Variants in CTNNA3 observed in about 807,000 individuals in gnomAD.
CTNNA3 encodes the protein catenin alpha 3.
A neutral mutation model predicts 95.7 loss-of-function variants in CTNNA3; 76 were observed. The observed-to-expected ratio is 0.79, with a 90% confidence interval of 0.66 to 0.96. The LOEUF (loss-of-function observed/expected upper bound fraction) is 0.96. Among genes scored for constraint, CTNNA3 ranks in the 40% least tolerant of loss-of-function variants. CTNNA3 has a pLI of 0.00. For missense variants in CTNNA3, 1,191 were observed against 1,089.8 expected, an observed-to-expected ratio of 1.09 and a Z score of -1.31; for synonymous variants, 431 against 374.4, an observed-to-expected ratio of 1.15 and a Z score of -1.74.
rs185869952 is a variant in CTNNA3, at chr10:67,144,007, A to C, written c.1047+36310T>G. Among the ~76,000 whole-genome samples the C allele has an allele frequency of 2.0e-5, 3 of 152,374 alleles. No individual in the cohort carries two copies. The East Asian group carries it at 5.8e-4, about 29-fold the overall frequency. ...CCTTACAAAATGTATTTCTTAAAAA[A>C]TAAGACTTGAAACTTGGAATTATTC... On this transcript the variant is annotated intron_variant, in intron 7 of 17. Coordinates refer to ENST00000433211, the MANE Select transcript of CTNNA3 (RefSeq NM_013266.4).
intron 9 of CTNNA3, among the ~76,000 whole-genome samples, chr10:66,722,356 C>T (rs937213985): frequency 6.2e-5 from 9 of 145,390 alleles, no homozygotes; most frequent in South Asian, 2.2e-4. Flanking sequence ...CCAGACTGGA[C>T]GACAGAGCGA....
At chr10:66,762,150 A>G (rs550839010) in intron 9 of CTNNA3, among the ~76,000 whole-genome samples, 9 of 152,236 alleles carry the variant, frequency 5.9e-5, no homozygotes, top group African/African-American at 2.2e-4. Flanking sequence ...TCATATTTTT[A>G]TCTTCCTGTT....
At chr10:67,563,573 T>G (rs1003986971) in intron 3 of CTNNA3, among the ~76,000 whole-genome samples, 3 of 152,148 alleles carry the variant, frequency 2.0e-5, no homozygotes, top group Non-Finnish European at 4.4e-5. Flanking sequence ...ATTCAGGACA[T>G]AGGCACAGGC....
intron 7 of CTNNA3, among the ~76,000 whole-genome samples, chr10:66,796,553 G>T (rs1841199083): frequency 6.6e-6 from 1 of 151,950 alleles, no homozygotes; most frequent in Non-Finnish European, 1.5e-5. Flanking sequence ...ATATGAAACA[G>T]AGGCATGAAA....
chr10:65,985,958 C>T (rs1333314984), intron 16 of CTNNA3, among the ~76,000 whole-genome samples: 3 of 150,922 alleles, frequency 2.0e-5, no homozygotes, highest in African/African-American at 7.3e-5. Context: ...CTATAGTTGC[C>T]CTGTTTTGCT....
chr10:67,074,392 C>T (rs1856635788), intron 7 of CTNNA3, among the ~76,000 whole-genome samples: 1 of 130,944 alleles, frequency 7.6e-6, no homozygotes, highest in Non-Finnish European at 1.6e-5. Flanking sequence ...GCTCTGTCGC[C>T]CAGGCTGAAG....
At chr10:66,463,612 G>A (rs556356012) in intron 11 of CTNNA3, among the ~76,000 whole-genome samples, 18 of 152,144 alleles carry the variant, frequency 1.2e-4, no homozygotes, top group African/African-American at 4.1e-4. Flanking sequence ...GAAATTACCA[G>A]AAAAACAATA....
At chr10:67,624,904 C>T (rs1180715714) in intron 2 of CTNNA3, among the ~76,000 whole-genome samples, 4 of 152,180 alleles carry the variant, frequency 2.6e-5, no homozygotes, top group Non-Finnish European at 5.9e-5. Flanking sequence ...TATATTTTTG[C>T]TATGAATATT....
intron 17 of CTNNA3, among the ~76,000 whole-genome samples, chr10:65,925,875 CTT>C (rs1217738988): frequency 6.6e-6 from 1 of 151,960 alleles, no homozygotes; most frequent in Non-Finnish European, 1.5e-5. Context: ...ATTTTCCTCA[CTT>C]ATCACTTCTT....
intron 9 of CTNNA3, among the ~76,000 whole-genome samples, chr10:66,744,749 T>C (rs890707777): frequency 2.0e-5 from 3 of 152,188 alleles, no homozygotes; most frequent in African/African-American, 7.2e-5. Context: ...ATAAAATGCT[T>C]ACCAAATGGC....
chr10:66,109,903 T>A (rs2082054566), intron 13 of CTNNA3, among the ~76,000 whole-genome samples: 1 of 152,046 alleles, frequency 6.6e-6, no homozygotes, highest in Non-Finnish European at 1.5e-5. Context: ...GCAGCCTTTT[T>A]TAAAATTTGT....
chr10:67,595,019 A>G (rs1842896817), intron 3 of CTNNA3, among the ~76,000 whole-genome samples: 1 of 152,178 alleles, frequency 6.6e-6, no homozygotes, highest in Admixed American at 6.6e-5. Context: ...CCTTAGAATA[A>G]TAGTCTCCAG....
intron 7 of CTNNA3, chr10:66,928,477 G>T (rs780767820): frequency 6.5e-7 from 1 of 1,549,618 alleles, no homozygotes; most frequent in Non-Finnish European, 8.7e-7. Flanking sequence ...GATAAAAAGA[G>T]CTCTTAAAAG....
intron 1 of CTNNA3, among the ~76,000 whole-genome samples, chr10:67,756,173 C>G (rs1236770069): frequency 2.0e-5 from 3 of 151,816 alleles, no homozygotes; most frequent in African/African-American, 7.3e-5. Context: ...GTGGGGGGAA[C>G]AGGGAGATGA....
chr10:66,695,519 A>C (rs1395276366), intron 9 of CTNNA3, among the ~76,000 whole-genome samples: 1 of 152,082 alleles, frequency 6.6e-6, no homozygotes, highest in Admixed American at 6.6e-5. Flanking sequence ...AATGTGTAGA[A>C]TCTATTATTA....
chr10:66,380,263 G>A (rs1357400044), intron 11 of CTNNA3, among the ~76,000 whole-genome samples: 2 of 151,784 alleles, frequency 1.3e-5, no homozygotes, highest in African/African-American at 4.8e-5. Flanking sequence ...TGCTACAAAG[G>A]ACAATTATTC....
At chr10:66,604,838 A>G (rs1188697804) in intron 10 of CTNNA3, among the ~76,000 whole-genome samples, 1 of 151,992 alleles carries the variant, frequency 6.6e-6, no homozygotes, top group Admixed American at 6.6e-5. Context: ...CTGAAGAAAC[A>G]TTAGTCCACA....
At chr10:67,559,565 C>T (rs1264067214) in intron 3 of CTNNA3, among the ~76,000 whole-genome samples, 2 of 152,104 alleles carry the variant, frequency 1.3e-5, no homozygotes, top group Non-Finnish European at 2.9e-5. Context: ...AAACTGGAAA[C>T]TCTAAAAAGC....
intron 15 of CTNNA3, among the ~76,000 whole-genome samples, chr10:66,031,040 A>G (rs2079439514): frequency 6.6e-6 from 1 of 152,216 alleles, no homozygotes; most frequent in Non-Finnish European, 1.5e-5. Flanking sequence ...TGACTTTATT[A>G]AAAAGTCGAA....
Sources: allele counts gnomAD v4.1 joint callset (sites outside exome capture counted in the v4.1 genomes callset), GRCh38; gene constraint gnomAD v4.1.1; transcripts MANE v1.5; gene names NCBI Gene and HGNC (gene_info 2026-07-23, HGNC 2026-07-21).